The following SEC11C variants were observed in gnomAD, a reference collection of about 807,000 sequenced individuals.
SEC11C encodes the protein SEC11 homolog C, signal peptidase complex subunit.
Under a neutral mutation model 21.9 loss-of-function variants are expected in SEC11C, and 10 were observed. The ratio of observed to expected loss-of-function variants is 0.46; its 90% CI spans 0.28 to 0.77. The LOEUF is 0.77. SEC11C is among the 30% of genes least tolerant of loss of function. SEC11C has a pLI of 0.12. For missense variants in SEC11C, 145 were observed against 244.5 expected, an observed-to-expected ratio of 0.59 and a Z score of 2.71; for synonymous variants, 83 against 85.6, an observed-to-expected ratio of 0.97 and a Z score of 0.17.
chr18:59,149,434 A>G, intron 1 of SEC11C, 79 bp from the exon 2 acceptor site: 1 of 902,706 alleles, frequency 1.1e-6, no homozygotes. Flanking sequence ...AAAAAGTTTG[A>G]TAACTGCATC....
intron 1 of SEC11C, among the ~76,000 whole-genome samples, chr18:59,142,622 G>A (rs2069225089): frequency 6.6e-6 from 1 of 152,166 alleles, no homozygotes; most frequent in Non-Finnish European, 1.5e-5. Flanking sequence ...TTTTGTTGTT[G>A]TTGTTGGAAT....
intron 1 of SEC11C, among the ~76,000 whole-genome samples, chr18:59,144,987 T>TC (rs398033061): frequency 1.3e-5 from 2 of 151,980 alleles, no homozygotes; most frequent in African/African-American, 4.8e-5. Flanking sequence ...ACTTAACTTT[T>TC]GCCAAACCCA....
At position 59,139,977 on chromosome 18, in the gene SEC11C, A is replaced by G. The variant is rs762875392; in HGVS notation, c.29A>G (p.His10Arg). Residue 10 changes from histidine to arginine, a missense_variant, in exon 1 of 6, where the codon CAT becomes CGT. Physicochemically the swap from His to Arg is conservative, Grantham distance 29. Transcript: ENST00000587834. MVRAGAVGAHLPASGLDIFG... is the reference protein window; with the variant it reads MVRAGAVGARLPASGLDIFG... ...GTGCGTGCGGGCGCCGTGGGGGCTCATCTCCCCGCGTCCGGCTTGGATATC... is the reference window on the plus strand; with the variant it reads ...GTGCGTGCGGGCGCCGTGGGGGCTCGTCTCCCCGCGTCCGGCTTGGATATC... 10 of 1,593,504 alleles carry G rather than the reference A, an allele frequency of 6.3e-6. No individual in the cohort carries two copies. The South Asian group carries it at 7.9e-5, about 13-fold the overall frequency.
At chr18:59,156,486 A>G (rs898471303) in intron 4 of SEC11C, 1 of 152,322 alleles carries the variant, frequency 6.6e-6, no homozygotes, top group East Asian at 1.9e-4. Context: ...TATTTAACCA[A>G]TCCCCTTTTG....
intron 3 of SEC11C, among the ~76,000 whole-genome samples, chr18:59,154,263 C>T (rs17065517): frequency 6.6e-6 from 1 of 152,252 alleles, no homozygotes; most frequent in South Asian, 2.1e-4. Flanking sequence ...ATTATTTGCT[C>T]TAATTTGCAT....
intron 1 of SEC11C, chr18:59,147,823 G>T (rs1240008743): frequency 6.6e-6 from 1 of 152,356 alleles, no homozygotes; most frequent in Non-Finnish European, 1.5e-5. Context: ...GAAATCTCTG[G>T]AGGAAAAGCT....
intron 1 of SEC11C, among the ~76,000 whole-genome samples, chr18:59,145,697 G>T (rs966293503): frequency 1.3e-5 from 2 of 152,212 alleles, no homozygotes; most frequent in Admixed American, 1.3e-4. Context: ...CAGGTGACCA[G>T]ATGTGCATTT....
chr18:59,155,429 C>T (rs2069408006), intron 3 of SEC11C, among the ~76,000 whole-genome samples: 1 of 152,142 alleles, frequency 6.6e-6, no homozygotes, highest in African/African-American at 2.4e-5. Flanking sequence ...CAAATTGTTG[C>T]CCTTGTGCTT....
At chr18:59,148,309 G>A (rs987986249) in intron 1 of SEC11C, among the ~76,000 whole-genome samples, 21 of 152,324 alleles carry the variant, frequency 1.4e-4, no homozygotes, top group Non-Finnish European at 2.5e-4. Flanking sequence ...CCACAGCAGC[G>A]TTAGTCCCTC....
chr18:59,154,884 G>A (rs1050821345), intron 3 of SEC11C, among the ~76,000 whole-genome samples: 8 of 152,142 alleles, frequency 5.3e-5, no homozygotes, highest in Non-Finnish European at 1.0e-4. Context: ...TGGCCAACGT[G>A]GTGAAACCCC....
At chr18:59,149,209 T>A (rs1049778425) in intron 1 of SEC11C, among the ~76,000 whole-genome samples, 29 of 152,192 alleles carry the variant, frequency 1.9e-4, no homozygotes, top group Admixed American at 1.4e-3. Context: ...GTAGTGGAAC[T>A]CTCTAGGGTA....
intron 1 of SEC11C, among the ~76,000 whole-genome samples, chr18:59,146,203 G>A (rs2069274224): frequency 6.6e-6 from 1 of 152,152 alleles, no homozygotes; most frequent in African/African-American, 2.4e-5. Context: ...AACTCCAGAC[G>A]TGTTTGGAAA....
intron 5 of SEC11C, 101 bp downstream of exon 5, chr18:59,157,766 T>C: frequency 2.6e-6 from 2 of 781,078 alleles, no homozygotes; most frequent in Non-Finnish European, 4.4e-6. Flanking sequence ...ATGTTGCCAT[T>C]AATAGGCCTG....
intron 1 of SEC11C, among the ~76,000 whole-genome samples, chr18:59,146,443 A>G (rs1046040334): frequency 6.6e-6 from 1 of 152,114 alleles, no homozygotes; most frequent in African/African-American, 2.4e-5. Flanking sequence ...CAATGCCAGC[A>G]TTCAGGTAGA....
At chr18:59,152,833 T>C (rs1302270530) in intron 3 of SEC11C, 148 bp downstream of exon 3, 4 of 604,484 alleles carry the variant, frequency 6.6e-6, no homozygotes, top group Non-Finnish European at 1.1e-5. Flanking sequence ...TAACTCTTTC[T>C]GTAGGATGGG....
rs2069446282 is a variant in SEC11C at position 59,158,632 on chromosome 18, T to C, written c.526T>C (p.Tyr176His). 1 of 1,613,824 alleles carries C rather than the reference T, an allele frequency of 6.2e-7. No homozygotes were observed. Among genetic ancestry groups the C allele is most frequent in the Admixed American group, 1.7e-5 (1 of 60,024 alleles). Residue 176 changes from tyrosine to histidine, a missense_variant and splice_region_variant, in exon 6 of 6, where the codon TAT becomes CAT. Coordinates refer to ENST00000587834, the MANE Select transcript of SEC11C (RefSeq NM_033280.4). ...ATTTTCCATTGTGTTTTCTTTCCAGTATGCTCTTTTGGCTGTAATGGGTGC... is the reference window on the plus strand; with the variant it reads ...ATTTTCCATTGTGTTTTCTTTCCAGCATGCTCTTTTGGCTGTAATGGGTGC... ...IIMNDYPKFKYALLAVMGAYV... is the reference protein window; with the variant it reads ...IIMNDYPKFKHALLAVMGAYV...
intron 1 of SEC11C, among the ~76,000 whole-genome samples, chr18:59,146,185 C>G (rs1224937095): frequency 6.6e-6 from 1 of 152,072 alleles, no homozygotes; most frequent in Admixed American, 6.6e-5. Context: ...AATAGAGAGA[C>G]CTGGACAAAC....
At chr18:59,156,210 T>C (rs1307774322) in intron 4 of SEC11C, 1 of 160,862 alleles carries the variant, frequency 6.2e-6, no homozygotes, top group Non-Finnish European at 1.3e-5. Context: ...AAAGAAGAAA[T>C]ATAAATCCTC....
intron 1 of SEC11C, among the ~76,000 whole-genome samples, chr18:59,143,855 CTTT>C (rs1555657597): frequency 4.3e-5 from 3 of 70,162 alleles, no homozygotes; most frequent in Non-Finnish European, 8.2e-5. Flanking sequence ...CTGCCATTTT[CTTT>C]TTTTTTTTTT....
Sources: gnomAD v4.1 joint callset for allele counts (sites outside exome capture counted in the v4.1 genomes callset) on GRCh38, gnomAD v4.1.1 for gene constraint, MANE v1.5 for transcripts, NCBI Gene and HGNC (gene_info 2026-07-23, HGNC 2026-07-21) for gene names.